Variants in APBA2 observed in about 807,000 individuals in gnomAD.
APBA2 encodes the protein amyloid-beta A4 precursor protein-binding family A member 2.
In APBA2, 30 loss-of-function variants were observed where a neutral mutation model predicts 75.0. The ratio of observed to expected loss-of-function variants is 0.40; its 90% CI spans 0.30 to 0.54. APBA2 has a LOEUF of 0.54. APBA2 is among the 20% of genes least tolerant of loss of function. The pLI is 0.49. For synonymous variants in APBA2, 444 were observed against 409.6 expected, an observed-to-expected ratio of 1.08 and a Z score of -1.01; for missense variants, 801 against 1,016.1, an observed-to-expected ratio of 0.79 and a Z score of 2.88.
At chr15:28,956,707 C>G (rs1053116258) in intron 2 of APBA2, among the ~76,000 whole-genome samples, 1 of 152,118 alleles carries the variant, frequency 6.6e-6, no homozygotes, top group Non-Finnish European at 1.5e-5. Flanking sequence ...AAACTCTGTC[C>G]CCATTAAACA....
At chr15:29,008,005 A>G (rs1265886921) in intron 3 of APBA2, among the ~76,000 whole-genome samples, 3 of 152,246 alleles carry the variant, frequency 2.0e-5, no homozygotes, top group Admixed American at 2.0e-4. Flanking sequence ...GAATGGATCA[A>G]CAAAATGTGG....
rs1422646008 is a variant in APBA2, at chr15:29,046,418, C to G, written c.-40-7427C>G. Among the ~76,000 whole-genome samples, 2 of 152,164 alleles carry G rather than the reference C, an allele frequency of 1.3e-5. No individual in the cohort carries two copies. Among genetic ancestry groups the G allele is most frequent in the East Asian group, 3.9e-4 (2 of 5,180 alleles). The stretch of plus-strand genomic sequence containing the variant: ...CCACCTTTGCCCTTGTTTGAAGAAG[C>G]TGGGGACAGTTGTCCTTGCTCTCCA... On this transcript the variant is annotated intron_variant, in intron 3 of 14. Coordinates refer to ENST00000683413, the MANE Select transcript of APBA2 (RefSeq NM_001353788.2). This position sits in a 1 kb window ranked among gnomAD's most constrained non-coding sequence, Gnocchi z 5.0.
At chr15:28,974,683 AAT>A (rs1216060456) in intron 2 of APBA2, among the ~76,000 whole-genome samples, 2 of 152,236 alleles carry the variant, frequency 1.3e-5, no homozygotes, top group Non-Finnish European at 2.9e-5. Flanking sequence ...AACTCTATTA[AAT>A]AAGTTTTTAG....
At chr15:28,915,622 A>G (rs1171626196) in intron 1 of APBA2, among the ~76,000 whole-genome samples, 5 of 149,564 alleles carry the variant, frequency 3.3e-5, no homozygotes, top group African/African-American at 1.2e-4. Flanking sequence ...TCTTATACAC[A>G]CCACACACAC....
intron 2 of APBA2, among the ~76,000 whole-genome samples, chr15:28,978,050 A>G (rs2037432866): frequency 6.6e-6 from 1 of 152,102 alleles, no homozygotes; most frequent in African/African-American, 2.4e-5. Flanking sequence ...CAATCTCTCA[A>G]AGGGGTGTGG....
chr15:29,008,112 G>A (rs561529939), intron 3 of APBA2, among the ~76,000 whole-genome samples: 1 of 152,312 alleles, frequency 6.6e-6, no homozygotes, highest in South Asian at 2.1e-4. Flanking sequence ...AGGTCATTAT[G>A]CTAAATGAAG....
intron 4 of APBA2, chr15:29,071,129 A>G: frequency 6.7e-6 from 3 of 449,238 alleles, no homozygotes. Flanking sequence ...GTGTTGTTTC[A>G]TCCAAAGCAA....
intron 3 of APBA2, among the ~76,000 whole-genome samples, chr15:29,044,085 G>A (rs2041185308): frequency 6.6e-6 from 1 of 152,188 alleles, no homozygotes; most frequent in South Asian, 2.1e-4. Context: ...ATTGGTGTCA[G>A]GAACAATTTG....
chr15:28,889,793 T>C (rs1412453097), intron 1 of APBA2, among the ~76,000 whole-genome samples: 1 of 152,210 alleles, frequency 6.6e-6, no homozygotes, highest in Non-Finnish European at 1.5e-5. Flanking sequence ...CCCTCACTTA[T>C]TGCCCACTCC....
chr15:29,047,890 A>G (rs888089663), intron 3 of APBA2, among the ~76,000 whole-genome samples: 9 of 152,210 alleles, frequency 5.9e-5, no homozygotes, highest in African/African-American at 1.9e-4. Context: ...GAAGAGATCT[A>G]TTCGCAACAG....
Position 29,082,362 on chromosome 15 carries a change from C to T in APBA2, c.1069+6271C>T, listed in dbSNP as rs115545194. 8.8e-3 allele frequency among the ~76,000 whole-genome samples: 1,340 copies of T among 152,308 alleles called. 28 individuals carry two copies. The highest frequency in any genetic ancestry group is 0.031 in the African/African-American group (1,274 of 41,566). On this transcript the variant is annotated intron_variant, in intron 6 of 14. Coordinates refer to ENST00000683413, the MANE Select transcript of APBA2 (RefSeq NM_001353788.2). The stretch of plus-strand genomic sequence containing the variant: ...ACATAGCCATCACTTCACATAGCTA[C>T]CTTTTTGTGTGTGTGGTGAGAACAC...
intron 2 of APBA2, among the ~76,000 whole-genome samples, chr15:28,994,276 G>A (rs17652495): frequency 0.027 from 4,176 of 152,240 alleles, 86 homozygotes; most frequent in Non-Finnish European, 0.041. Flanking sequence ...ATTTTCTGAC[G>A]TTCACACAGG....
chr15:29,024,943 G>A (rs993666720), intron 3 of APBA2, among the ~76,000 whole-genome samples: 4 of 152,156 alleles, frequency 2.6e-5, no homozygotes, highest in Non-Finnish European at 4.4e-5. Flanking sequence ...TTCCACTGTC[G>A]AGTATCAATG....
intron 4 of APBA2, among the ~76,000 whole-genome samples, chr15:29,056,629 C>A (rs1595855545): frequency 9.5e-6 from 1 of 105,586 alleles, no homozygotes; most frequent in Non-Finnish European, 1.8e-5. Flanking sequence ...TCCCTCCCTC[C>A]CTCCCTCCTC....
intron 8 of APBA2, among the ~76,000 whole-genome samples, chr15:29,097,002 C>T (rs879609285): frequency 4.6e-5 from 7 of 152,230 alleles, no homozygotes; most frequent in Non-Finnish European, 7.3e-5. Flanking sequence ...AACCATATGC[C>T]AGACATACTA....
Position 29,059,137 on chromosome 15 carries a change from C to T in APBA2, c.951+4302C>T, listed in dbSNP as rs2042026284. Among the ~76,000 whole-genome samples, 4 of 152,196 alleles carry T rather than the reference C, an allele frequency of 2.6e-5. No individual in the cohort carries two copies. The South Asian group carries it at 6.2e-4, about 24-fold the overall frequency. On this transcript the variant is annotated intron_variant, in intron 4 of 14. Transcript: ENST00000683413. The stretch of plus-strand genomic sequence containing the variant: ...CCAGCTGAGGTTGAACAAGGCTTTG[C>T]CTTCTTGTTTCAGCTCTCATACTGT...
rs778632122 is a variant in APBA2 at position 29,101,640 on chromosome 15, C to T, written c.1380C>T (p.Ile460=). ...MDHALRTISY[I]ADIGNIVVLM... is the part of the protein sequence containing the mutation. ...ACGCCTTGCGTACCATCTCCTACAT[C>T]GCCGACATTGGGAACATTGTAGTGC... Residue 460 remains isoleucine (I), a synonymous_variant, in exon 10 of 15, where the codon ATC becomes ATT. Coordinates refer to ENST00000683413, the MANE Select transcript of APBA2 (RefSeq NM_001353788.2). The T allele has an allele frequency of 3.7e-5, 60 of 1,613,594 alleles. No homozygotes were observed. Among genetic ancestry groups the T allele is most frequent in the African/African-American group, 9.3e-5 (7 of 74,952 alleles).
At chr15:29,082,052 G>A (rs945217120) in intron 6 of APBA2, among the ~76,000 whole-genome samples, 2 of 152,214 alleles carry the variant, frequency 1.3e-5, no homozygotes, top group African/African-American at 4.8e-5. Context: ...TGCATGACCG[G>A]CTGTTTGATA....
At chr15:28,941,226 T>C (rs2035204189) in intron 2 of APBA2, among the ~76,000 whole-genome samples, 1 of 152,152 alleles carries the variant, frequency 6.6e-6, no homozygotes, top group Non-Finnish European at 1.5e-5. Context: ...CCTCTGTGTC[T>C]GAAGCGTCTC....
Sources: gnomAD v4.1 joint callset for allele counts (sites outside exome capture counted in the v4.1 genomes callset) on GRCh38, gnomAD v4.1.1 for gene constraint, Gnocchi (gnomAD v3.1) non-coding constraint, MANE v1.5 for transcripts, NCBI Gene and HGNC (gene_info 2026-07-23, HGNC 2026-07-21) for gene names.